COL14A1: variants seen among roughly 807,000 people sequenced by gnomAD.
COL14A1 encodes the protein collagen type XIV alpha 1 chain.
Under a neutral mutation model 230.3 loss-of-function variants are expected in COL14A1, and 136 were observed. The observed-to-expected ratio is 0.59, with a 90% CI of 0.51 to 0.68. The LOEUF (loss-of-function observed/expected upper bound fraction) is 0.68, where lower values mean the gene tolerates loss of function less well. Ranked by LOEUF, COL14A1 falls within the 30% of genes least tolerant of loss-of-function variation. COL14A1 has a pLI of 0.00. For synonymous variants in COL14A1, 792 were observed against 784.1 expected (o/e 1.01, Z -0.17); for missense variants, 1,976 against 2,215.8 (o/e 0.89, Z 2.17).
intron 33 of COL14A1, 129 bp from the exon 34 acceptor site, chr8:120,289,479 C>G: frequency 1.2e-6 from 1 of 849,992 alleles, no homozygotes; most frequent in Non-Finnish European, 1.8e-6. Context: ...TCTCTTTTGG[C>G]AAAATACATG....
chr8:120,200,356 A>G (rs1012782981), intron 8 of COL14A1, among the ~76,000 whole-genome samples: 2 of 151,954 alleles, frequency 1.3e-5, no homozygotes, highest in African/African-American at 4.8e-5. Context: ...CTTTAGTCCA[A>G]ATAAAATGCA....
At chr8:120,288,730 T>A (rs1820285276) in intron 33 of COL14A1, among the ~76,000 whole-genome samples, 1 of 152,202 alleles carries the variant, frequency 6.6e-6, no homozygotes, top group Admixed American at 6.5e-5. Flanking sequence ...CCGTAATGCC[T>A]TATCTTAAAC....
chr8:120,294,131 C>G (rs1035110405), intron 34 of COL14A1, among the ~76,000 whole-genome samples: 16 of 150,916 alleles, frequency 1.1e-4, no homozygotes, highest in Non-Finnish European at 1.2e-4. Context: ...AGCTTTACTT[C>G]AAATTATAAA....
At chr8:120,196,059 T>C (rs1817027489) in intron 5 of COL14A1, among the ~76,000 whole-genome samples, 1 of 152,200 alleles carries the variant, frequency 6.6e-6, no homozygotes, top group Admixed American at 6.5e-5. Context: ...CCTTCTCTAA[T>C]AGTAAAACAT....
intron 24 of COL14A1, among the ~76,000 whole-genome samples, chr8:120,263,723 AG>A (rs1173243695): frequency 6.6e-6 from 1 of 152,126 alleles, no homozygotes; most frequent in Non-Finnish European, 1.5e-5. Context: ...GTGTCTGAAT[AG>A]GTGTTGGGCA....
intron 1 of COL14A1, among the ~76,000 whole-genome samples, chr8:120,141,760 G>A (rs1463229886): frequency 2.0e-5 from 3 of 152,180 alleles, no homozygotes; most frequent in African/African-American, 7.2e-5. Context: ...GAACTGCTTT[G>A]ATGAGAATAG....
chr8:120,251,517 C>T (rs775538102), intron 22 of COL14A1, among the ~76,000 whole-genome samples: 3 of 152,162 alleles, frequency 2.0e-5, no homozygotes, highest in Non-Finnish European at 2.9e-5. Flanking sequence ...TGTCTGCACA[C>T]CATCTGGGAC....
intron 40 of COL14A1, among the ~76,000 whole-genome samples, chr8:120,323,492 G>A (rs1002958324): frequency 1.3e-5 from 2 of 151,898 alleles, no homozygotes; most frequent in Admixed American, 1.3e-4. Flanking sequence ...ATCTTTGCCC[G>A]CTCCTATGTC....
chr8:120,184,776 G>A (rs112632584), intron 5 of COL14A1, among the ~76,000 whole-genome samples: 2,243 of 152,272 alleles, frequency 0.015, 59 homozygotes, highest in African/African-American at 0.05. Context: ...GGCATGAAAA[G>A]CAACATATGA....
At chr8:120,222,274 A>T (rs572599109) in intron 14 of COL14A1, among the ~76,000 whole-genome samples, 101 of 152,340 alleles carry the variant, frequency 6.6e-4, no homozygotes, top group African/African-American at 2.3e-3. Flanking sequence ...GCTAAAAATG[A>T]CCTATAATGT....
intron 6 of COL14A1, among the ~76,000 whole-genome samples, chr8:120,197,522 G>A (rs758733659): frequency 2.6e-5 from 4 of 151,652 alleles, no homozygotes; most frequent in Non-Finnish European, 5.9e-5. Context: ...AATAAATCTA[G>A]ACCTTTTATC....
intron 40 of COL14A1, among the ~76,000 whole-genome samples, chr8:120,323,754 C>G (rs1007316212): frequency 2.0e-5 from 3 of 152,128 alleles, no homozygotes; most frequent in African/African-American, 7.2e-5. Flanking sequence ...TCTGAGTTCT[C>G]TCTTCTGCTC....
At chr8:120,269,105 T>C (rs1257596059) in intron 25 of COL14A1, among the ~76,000 whole-genome samples, 1 of 151,778 alleles carries the variant, frequency 6.6e-6, no homozygotes, top group Admixed American at 6.6e-5. Context: ...GTGAGGTTTT[T>C]CTTAAAGAAA....
At chr8:120,346,888 T>C (rs1822537037) in intron 45 of COL14A1, among the ~76,000 whole-genome samples, 1 of 152,204 alleles carries the variant, frequency 6.6e-6, no homozygotes, top group African/African-American at 2.4e-5. Context: ...ACTAGATAGT[T>C]GTTGCTTTAA....
intron 1 of COL14A1, among the ~76,000 whole-genome samples, chr8:120,129,053 G>C (rs1014189149): frequency 6.6e-6 from 1 of 152,146 alleles, no homozygotes; most frequent in Non-Finnish European, 1.5e-5. Context: ...ATTTGCTGCA[G>C]GTTGTTTGCT....
chr8:120,282,382 A>G (rs1156279366), intron 31 of COL14A1, among the ~76,000 whole-genome samples: 1 of 152,166 alleles, frequency 6.6e-6, no homozygotes, highest in Non-Finnish European at 1.5e-5. Context: ...ATACTCCAAA[A>G]TAATGCTTTA....
rs190752216 is a variant in COL14A1 at position 120,237,143 on chromosome 8, T to C, written c.2349+5525T>C. On this transcript the variant is annotated intron_variant, in intron 19 of 47. Transcript: ENST00000297848. ...TGATGTTGTCTGTATTTCCTGAATT[T>C]GAATGTTGGCCTGTCTTGCTAGGTT... Among the ~76,000 whole-genome samples the C allele has an allele frequency of 3.5e-3, 535 of 152,332 alleles. 4 individuals are homozygous for C. The highest frequency in any genetic ancestry group is 0.012 in the African/African-American group (507 of 41,574).
rs10665249 is a variant in COL14A1 at position 120,340,109 on chromosome 8, AGT to A, written c.4786-1191_4786-1190del. On this transcript the variant is annotated intron_variant, in intron 42 of 47. Coordinates refer to ENST00000297848, the MANE Select transcript of COL14A1 (RefSeq NM_021110.4). ...TGTGGTGTATGTTTGTGAGTGAGTG[AGT>A]GTGTGTGTGTGTGTGTGTGTGTGTA... is the stretch of plus-strand genomic sequence containing the variant. Among the ~76,000 whole-genome samples, 920 of 143,818 alleles carry A rather than the reference AGT, an allele frequency of 6.4e-3. 5 individuals carry two copies. Among genetic ancestry groups the A allele is most frequent in the South Asian group, 8.0e-3 (36 of 4,482 alleles). 94.4% of individuals were successfully genotyped at this position (143,818 alleles called of 152,430 possible).
intron 5 of COL14A1, among the ~76,000 whole-genome samples, chr8:120,170,588 T>A (rs1278326473): frequency 6.6e-6 from 1 of 152,072 alleles, no homozygotes; most frequent in African/African-American, 2.4e-5. Context: ...ATTCCATGTG[T>A]CCTTGAGAAA....
Sources: allele counts gnomAD v4.1 joint callset (sites outside exome capture counted in the v4.1 genomes callset), GRCh38; gene constraint gnomAD v4.1.1; transcripts MANE v1.5; gene names NCBI Gene and HGNC (gene_info 2026-07-23, HGNC 2026-07-21).